CACNA2D3: variants seen among roughly 807,000 people sequenced by gnomAD.
CACNA2D3 encodes the protein calcium voltage-gated channel auxiliary subunit alpha2delta 3.
Under a neutral mutation model 160.6 loss-of-function variants are expected in CACNA2D3, and 60 were observed. The ratio of observed to expected loss-of-function variants is 0.37; its 90% CI spans 0.30 to 0.46. The LOEUF (loss-of-function observed/expected upper bound fraction) is 0.46, where lower values mean the gene tolerates loss of function less well. CACNA2D3 is among the 20% of genes least tolerant of loss of function. The pLI is 1.00. For synonymous variants in CACNA2D3, 558 were observed against 492.9 expected (o/e 1.13, Z -1.75); for missense variants, 1,205 against 1,365.0 (o/e 0.88, Z 1.85).
intron 13 of CACNA2D3, among the ~76,000 whole-genome samples, chr3:54,805,921 C>A (rs1246005883): frequency 1.3e-5 from 2 of 152,074 alleles, no homozygotes; most frequent in Admixed American, 6.5e-5. Context: ...TAAATGTAAT[C>A]CAGCATATAA....
intron 18 of CACNA2D3, among the ~76,000 whole-genome samples, chr3:54,877,596 C>A (rs1198761468): frequency 6.6e-6 from 1 of 152,150 alleles, no homozygotes; most frequent in Non-Finnish European, 1.5e-5. Flanking sequence ...ACTACAGTGC[C>A]ATCCTGCTTC....
chr3:54,323,116 C>T (rs1252135544), intron 3 of CACNA2D3, among the ~76,000 whole-genome samples: 1 of 152,150 alleles, frequency 6.6e-6, no homozygotes, highest in African/African-American at 2.4e-5. Flanking sequence ...GCCTTGTCCT[C>T]ACTGTGAGCC....
chr3:54,924,805 A>T (rs1700963149), intron 27 of CACNA2D3: 1 of 1,614,042 alleles, frequency 6.2e-7, no homozygotes, highest in South Asian at 1.1e-5. Flanking sequence ...TCTCCCAAGG[A>T]TGTGGGAAGG....
intron 14 of CACNA2D3, among the ~76,000 whole-genome samples, chr3:54,820,272 C>A (rs1194792958): frequency 6.6e-6 from 1 of 152,144 alleles, no homozygotes; most frequent in Non-Finnish European, 1.5e-5. Context: ...ATTTAAATCT[C>A]TTGGCTGATC....
rs1053739790 is a variant in CACNA2D3, at chr3:54,386,695, T to G, written c.322-20T>G. On this transcript the variant is annotated intron_variant, in intron 3 of 37. Transcript: ENST00000474759. Reference sequence around the variant, plus strand: ...TTCTGATCCTTAATGCTGTCTTCTGTTTTTTTTTTTTTTTTTTAGCGTCTG... The same window carrying G: ...TTCTGATCCTTAATGCTGTCTTCTGGTTTTTTTTTTTTTTTTTAGCGTCTG... 1.1e-5 allele frequency: 2 copies of G among 182,622 alleles called. No homozygotes were observed. The highest frequency in any genetic ancestry group is 1.7e-5 in the Non-Finnish European group (2 of 120,890). The allele number at this position is 182,622 out of a possible 1,614,324, so 11.3% of individuals were successfully genotyped here.
At chr3:54,729,839 A>T (rs1701351674) in intron 11 of CACNA2D3, among the ~76,000 whole-genome samples, 1 of 151,944 alleles carries the variant, frequency 6.6e-6, no homozygotes, top group Non-Finnish European at 1.5e-5. Flanking sequence ...CTCTACTAAA[A>T]ATACAAAAAA....
intron 34 of CACNA2D3, among the ~76,000 whole-genome samples, chr3:55,010,584 C>G (rs17054691): frequency 0.26 from 40,300 of 152,104 alleles, 6,004 homozygotes; most frequent in Non-Finnish European, 0.33. Context: ...TTCCTTCATT[C>G]ATGTTCATTT....
At chr3:54,577,558 A>C (rs1702606154) in intron 8 of CACNA2D3, among the ~76,000 whole-genome samples, 1 of 152,160 alleles carries the variant, frequency 6.6e-6, no homozygotes, top group African/African-American at 2.4e-5. Flanking sequence ...CTTCATAGCA[A>C]GTTCCAGCTC....
Position 54,672,804 on chromosome 3 carries a change from G to A in CACNA2D3, c.1167+30563G>A, listed in dbSNP as rs962807664. Among the ~76,000 whole-genome samples the A allele has an allele frequency of 4.6e-5, 7 of 152,144 alleles. No individual in the cohort carries two copies. The East Asian group carries it at 9.7e-4, about 21-fold the overall frequency. ...GTGTTCACTCTCTCCTAGAGTGGTC[G>A]CAAGGATTAAAGGAGATAGTGCCTG... On this transcript the variant is annotated intron_variant, in intron 11 of 37. Coordinates refer to ENST00000474759, the MANE Select transcript of CACNA2D3 (RefSeq NM_018398.3).
chr3:54,291,000 A>G (rs566095333), intron 2 of CACNA2D3, among the ~76,000 whole-genome samples: 129 of 152,212 alleles, frequency 8.5e-4, no homozygotes, highest in Non-Finnish European at 1.4e-3. Context: ...TGGCACATGT[A>G]TACATATGTA....
intron 24 of CACNA2D3, 94 bp downstream of exon 24, chr3:54,888,146 C>G (rs879046221): frequency 1.0e-6 from 1 of 999,974 alleles, no homozygotes; most frequent in Non-Finnish European, 1.6e-6. Flanking sequence ...GTTTTAGGAA[C>G]CTGGTGTTAA....
At chr3:54,311,968 AAG>A (rs1703752783) in intron 2 of CACNA2D3, among the ~76,000 whole-genome samples, 1 of 152,212 alleles carries the variant, frequency 6.6e-6, no homozygotes, top group Non-Finnish European at 1.5e-5. Context: ...AAAGAAAAAA[AAG>A]AACCTTAGGG....
At chr3:54,380,076 G>A (rs570055380) in intron 3 of CACNA2D3, among the ~76,000 whole-genome samples, 1 of 152,320 alleles carries the variant, frequency 6.6e-6, no homozygotes, top group African/African-American at 2.4e-5. Flanking sequence ...GAATGAAAAT[G>A]TAAATCTGAA....
At chr3:54,301,193 GTT>G (rs1173727351) in intron 2 of CACNA2D3, among the ~76,000 whole-genome samples, 1 of 151,792 alleles carries the variant, frequency 6.6e-6, no homozygotes, top group Non-Finnish European at 1.5e-5. Flanking sequence ...GGAGTTTGAT[GTT>G]ACAGTGAGTT....
chr3:54,387,602 A>G (rs1699209844), intron 4 of CACNA2D3, among the ~76,000 whole-genome samples: 1 of 152,228 alleles, frequency 6.6e-6, no homozygotes, highest in Non-Finnish European at 1.5e-5. Flanking sequence ...CAGTGAGCTG[A>G]GATTGAGCCA....
chr3:54,588,233 T>C (rs1354743462), intron 9 of CACNA2D3, among the ~76,000 whole-genome samples: 2 of 152,190 alleles, frequency 1.3e-5, no homozygotes, highest in East Asian at 1.9e-4. Flanking sequence ...ATTAATTGAC[T>C]CAGAAAAGGC....
chr3:54,350,677 A>G (rs985078874), intron 3 of CACNA2D3, among the ~76,000 whole-genome samples: 4 of 152,232 alleles, frequency 2.6e-5, no homozygotes, highest in South Asian at 4.1e-4. Context: ...GCCACATTGT[A>G]TCCTCTTGCT....
intron 3 of CACNA2D3, among the ~76,000 whole-genome samples, chr3:54,368,142 G>A (rs1346956305): frequency 1.3e-5 from 2 of 152,112 alleles, no homozygotes; most frequent in Admixed American, 6.5e-5. Flanking sequence ...TTTTAAAAGA[G>A]TTATTATTTT....
In CACNA2D3 at chr3:54,871,619, C is replaced by T. The variant is rs758954184; in HGVS notation, c.1707C>T (p.Asp569=). 1.3e-5 allele frequency: 21 copies of T among 1,609,298 alleles called. No homozygotes were observed. The highest frequency in any genetic ancestry group is 5.5e-5 in the South Asian group (5 of 90,902). Residue 569 remains aspartate, a synonymous_variant, in exon 18 of 38, where the codon GAC becomes GAT. Transcript: ENST00000474759. ...LSEVEWEDRD[D]VLRNAMVNRK... Reference sequence around the variant, plus strand: ...AGGTGGAGTGGGAAGACCGAGATGACGTGGTAAGTGATTTGTTTTCAGGCC... The same window carrying T: ...AGGTGGAGTGGGAAGACCGAGATGATGTGGTAAGTGATTTGTTTTCAGGCC...
Sources: allele counts gnomAD v4.1 joint callset (sites outside exome capture counted in the v4.1 genomes callset), GRCh38; gene constraint gnomAD v4.1.1; transcripts MANE v1.5; gene names NCBI Gene and HGNC (gene_info 2026-07-23, HGNC 2026-07-21).